GAS7: variants seen among roughly 807,000 people sequenced by gnomAD.
The protein encoded by GAS7 is growth arrest-specific protein 7.
A neutral mutation model predicts 71.1 loss-of-function variants in GAS7; 28 were observed. That is an observed-to-expected ratio of 0.39 (90% CI 0.29 to 0.54). The LOEUF (loss-of-function observed/expected upper bound fraction) is 0.54, where lower values mean the gene tolerates loss of function less well. Ranked by LOEUF, GAS7 falls within the 20% of genes least tolerant of loss-of-function variation. The pLI is 0.62. For synonymous variants in GAS7, 258 were observed against 245.8 expected (o/e 1.05, Z -0.46); for missense variants, 436 against 627.8 (o/e 0.69, Z 3.27).
chr17:10,129,639 A>C (rs1490275785), intron 1 of GAS7, among the ~76,000 whole-genome samples: 1 of 152,216 alleles, frequency 6.6e-6, no homozygotes, highest in African/African-American at 2.4e-5. Flanking sequence ...CAAGGAATCA[A>C]AGGAAAAAAT....
chr17:10,142,070 C>T (rs535326469), intron 1 of GAS7, among the ~76,000 whole-genome samples: 15 of 151,858 alleles, frequency 9.9e-5, no homozygotes, highest in Admixed American at 9.2e-4. Context: ...CTACTAAAAA[C>T]ACAAAAAATT....
Position 9,959,288 on chromosome 17 carries a change from T to C in GAS7, c.472-33A>G. The C allele has an allele frequency of 6.2e-7, 1 of 1,614,038 alleles. No homozygotes were observed. The highest frequency in any genetic ancestry group is 8.5e-7 in the Non-Finnish European group (1 of 1,179,952). ...GAGAGGCAAGAAACATCGTCAAAGC[T>C]GTTCTCCATATTGGACATTTTTTCC... On this transcript the variant is annotated intron_variant, in intron 4 of 13. Coordinates refer to ENST00000432992, the MANE Select transcript of GAS7 (RefSeq NM_201433.2). This position sits in a 1 kb window ranked among gnomAD's most constrained non-coding sequence, Gnocchi z 5.0.
At position 10,182,757 on chromosome 17, in the gene GAS7, G is replaced by A. The variant is rs529152133; in HGVS notation, c.183+15451C>T. Among the ~76,000 whole-genome samples, 8 of 152,226 alleles carry A rather than the reference G, an allele frequency of 5.3e-5. No individual in the cohort carries two copies. In the East Asian group the frequency reaches 5.8e-4, roughly 11 times the overall value. ...TCTGCAGTGTACAGCCCTACAACAC[G>A]GGCCCAGGATTAGATTCTGAGCTCC... is the stretch of plus-strand genomic sequence containing the variant. On this transcript the variant is annotated intron_variant, in intron 1 of 13. Coordinates refer to ENST00000432992, the MANE Select transcript of GAS7 (RefSeq NM_201433.2).
chr17:10,032,388 G>T (rs1257752434), intron 1 of GAS7, among the ~76,000 whole-genome samples: 2 of 152,140 alleles, frequency 1.3e-5, no homozygotes, highest in African/African-American at 4.8e-5. Flanking sequence ...AATAAAAATA[G>T]TGTGGGCCAT....
chr17:10,160,780 A>G (rs1254728593), intron 1 of GAS7, among the ~76,000 whole-genome samples: 1 of 152,178 alleles, frequency 6.6e-6, no homozygotes, highest in Non-Finnish European at 1.5e-5. Context: ...CACAGGCAAA[A>G]TCATAAAACA....
chr17:10,036,343 T>G (rs1412273515), intron 1 of GAS7: 15 of 1,096,996 alleles, frequency 1.4e-5, no homozygotes, highest in Non-Finnish European at 2.1e-5. Flanking sequence ...TTTTCAGAGC[T>G]GCCTCTTTAC....
chr17:9,959,400 C>A lies in GAS7; in HGVS notation c.472-145G>T. 3.3e-6 allele frequency: 5 copies of A among 1,493,394 alleles called. No individual in the cohort carries two copies. The South Asian group carries it at 5.3e-5, about 16-fold the overall frequency. 92.5% of individuals were successfully genotyped at this position (1,493,394 alleles called of 1,614,324 possible). On this transcript the variant is annotated intron_variant, in intron 4 of 13. Coordinates refer to ENST00000432992, the MANE Select transcript of GAS7 (RefSeq NM_201433.2). This position sits in a 1 kb window ranked among gnomAD's most constrained non-coding sequence, Gnocchi z 5.0. ...TAAGTCACCATATTCTGGGCCAGGG[C>A]AAGCAGGGGTCTCCCTGACCCCACG...
intron 1 of GAS7, among the ~76,000 whole-genome samples, chr17:10,041,711 T>C (rs2152228556): frequency 6.6e-6 from 1 of 152,344 alleles, no homozygotes; most frequent in East Asian, 1.9e-4. Flanking sequence ...GTGATTAGCG[T>C]TGGCCGTGAA....
At chr17:10,070,341 C>CTTTTTTTTTT (rs71365713) in intron 1 of GAS7, among the ~76,000 whole-genome samples, 115 of 106,080 alleles carry the variant, frequency 1.1e-3, no homozygotes, top group Admixed American at 1.8e-3. Context: ...TCTCTCTCTT[C>CTTTTTTTTTT]TTTTTTTTTT....
At chr17:10,094,350 T>C (rs921320281) in intron 1 of GAS7, among the ~76,000 whole-genome samples, 10 of 152,322 alleles carry the variant, frequency 6.6e-5, no homozygotes, top group Non-Finnish European at 1.5e-4. Context: ...ACAGTCACAG[T>C]ATCAACACAA....
chr17:10,046,509 G>C (rs571419090), intron 1 of GAS7, among the ~76,000 whole-genome samples: 2 of 151,692 alleles, frequency 1.3e-5, no homozygotes, highest in African/African-American at 4.8e-5. Flanking sequence ...CCGCCTCGGC[G>C]GGCAGATCAT....
At chr17:10,094,787 C>T (rs1039970759) in intron 1 of GAS7, among the ~76,000 whole-genome samples, 1 of 152,126 alleles carries the variant, frequency 6.6e-6, no homozygotes, top group African/African-American at 2.4e-5. Flanking sequence ...ATCTTTAAAA[C>T]AGTGATGCTA....
chr17:10,073,301 C>G (rs1270023872), intron 1 of GAS7, among the ~76,000 whole-genome samples: 2 of 152,204 alleles, frequency 1.3e-5, no homozygotes, highest in Non-Finnish European at 2.9e-5. Context: ...TCTGACACAG[C>G]TGGAGACAGG....
intron 8 of GAS7, among the ~76,000 whole-genome samples, chr17:9,939,797 A>T (rs148083918): frequency 2.1e-4 from 32 of 152,038 alleles, no homozygotes; most frequent in Non-Finnish European, 4.4e-4. Flanking sequence ...TTTAGTAGAG[A>T]TGGGGTTTCA....
intron 1 of GAS7, among the ~76,000 whole-genome samples, chr17:10,111,540 CA>C (rs910118079): frequency 1.9e-5 from 2 of 106,768 alleles, no homozygotes; most frequent in African/African-American, 6.5e-5. Flanking sequence ...CTCAAAAAAA[CA>C]AACAAACAAA....
intron 7 of GAS7, among the ~76,000 whole-genome samples, chr17:9,940,979 C>T (rs979495619): frequency 6.6e-6 from 1 of 152,234 alleles, no homozygotes; most frequent in African/African-American, 2.4e-5. Flanking sequence ...GCCCAGGCTT[C>T]GGAGAGCCCC....
At chr17:9,938,450 G>A (rs369439973) in intron 8 of GAS7, among the ~76,000 whole-genome samples, 1 of 133,026 alleles carries the variant, frequency 7.5e-6, no homozygotes, top group Admixed American at 8.5e-5. Flanking sequence ...CAGTCTGGGC[G>A]ACAGAGCGAG....
At chr17:10,055,733 C>G (rs777450382) in intron 1 of GAS7, among the ~76,000 whole-genome samples, 1 of 152,194 alleles carries the variant, frequency 6.6e-6, no homozygotes, top group Non-Finnish European at 1.5e-5. Context: ...TATACAAAAA[C>G]AAAGCAAAAG....
chr17:10,016,008 C>T (rs2071981281), intron 2 of GAS7, among the ~76,000 whole-genome samples: 1 of 152,092 alleles, frequency 6.6e-6, no homozygotes, highest in Non-Finnish European at 1.5e-5. Flanking sequence ...TTATTAAATC[C>T]CCAGTATCCC....
Sources: gnomAD v4.1 joint callset for allele counts (sites outside exome capture counted in the v4.1 genomes callset) on GRCh38, gnomAD v4.1.1 for gene constraint, Gnocchi (gnomAD v3.1) non-coding constraint, MANE v1.5 for transcripts, NCBI Gene and HGNC (gene_info 2026-07-23, HGNC 2026-07-21) for gene names.